The following TMOD1 variants were observed in gnomAD, a reference collection of about 807,000 sequenced individuals.
TMOD1 encodes tropomodulin-1.
Under a neutral mutation model 40.6 loss-of-function variants are expected in TMOD1, and 17 were observed. The observed-to-expected ratio is 0.42, with a 90% CI of 0.29 to 0.63. TMOD1 has a LOEUF of 0.63. Among genes scored for constraint, TMOD1 ranks in the 20% least tolerant of loss-of-function variants. The pLI is 0.22. For synonymous variants in TMOD1, 181 were observed against 175.0 expected (o/e 1.03, Z -0.27); for missense variants, 391 against 447.6 (o/e 0.87, Z 1.14).
intron 5 of TMOD1, 52 bp from the exon 6 acceptor site, chr9:97,563,986 A>G: frequency 6.3e-7 from 1 of 1,587,436 alleles, no homozygotes; most frequent in Non-Finnish European, 8.6e-7. Flanking sequence ...GTGTTGGCAG[A>G]AAGTGAGCCC....
rs76783993 is a variant in TMOD1 at position 97,513,603 on chromosome 9, G to A, written c.-48-10538G>A. The A allele has an allele frequency of 0.033, 5,053 of 152,202 alleles. 285 individuals carry two copies. The highest frequency in any genetic ancestry group is 0.12 in the African/African-American group (4,801 of 41,496). 9.4% of individuals were successfully genotyped at this position (152,202 alleles called of 1,614,324 possible). A position where few individuals can be genotyped will look rare whatever the true frequency, so the allele number is the denominator to read the frequency against. On this transcript the variant is annotated intron_variant, in intron 1 of 9. Coordinates refer to ENST00000259365, the MANE Select transcript of TMOD1 (RefSeq NM_003275.4). The surrounding 1 kb of genome is among the most constrained non-coding windows in gnomAD (Gnocchi z 4.1). ...TTATCTCCCCATGTTAATTATAAGC[G>A]CCTGAGAGCTAGGACTTCTTATTAA...
At chr9:97,551,715 C>G (rs1830457348) in intron 3 of TMOD1, among the ~76,000 whole-genome samples, 1 of 152,160 alleles carries the variant, frequency 6.6e-6, no homozygotes, top group African/African-American at 2.4e-5. Context: ...TTTTCTGTTT[C>G]TGGGAAAAGG....
intron 7 of TMOD1, among the ~76,000 whole-genome samples, chr9:97,567,438 G>A (rs1355446540): frequency 2.0e-5 from 3 of 152,154 alleles, no homozygotes; most frequent in Admixed American, 1.3e-4. Flanking sequence ...GGCCCCCACC[G>A]CCTGCCCTAG....
chr9:97,569,207 T>G (rs1830780645), intron 8 of TMOD1, among the ~76,000 whole-genome samples, 170 bp downstream of exon 8: 1 of 152,174 alleles, frequency 6.6e-6, no homozygotes, highest in Non-Finnish European at 1.5e-5. Context: ...ACGCTCACCT[T>G]CCTTCTTCAT....
rs570398655 is a variant in TMOD1, at chr9:97,549,924, A to G, written c.278-3357A>G. 7.2e-5 allele frequency among the ~76,000 whole-genome samples: 11 copies of G among 152,296 alleles called. No homozygotes were observed. The East Asian group carries it at 2.1e-3, about 29-fold the overall frequency. On this transcript the variant is annotated intron_variant, in intron 3 of 9. Coordinates refer to ENST00000259365, the MANE Select transcript of TMOD1 (RefSeq NM_003275.4). Reference sequence around the variant, plus strand: ...TGTAAATTGAGGTAAAACTTATATAACATAAAATTAACCATTTAAAAATGA... The same window carrying G: ...TGTAAATTGAGGTAAAACTTATATAGCATAAAATTAACCATTTAAAAATGA...
At chr9:97,525,996 C>T (rs1830009357) in intron 2 of TMOD1, among the ~76,000 whole-genome samples, 1 of 152,178 alleles carries the variant, frequency 6.6e-6, no homozygotes, top group Admixed American at 6.5e-5. Flanking sequence ...ATCTTGATTC[C>T]CTGACCCATG....
Position 97,601,024 on chromosome 9 carries a change from G to A in TMOD1, c.*1326G>A, listed in dbSNP as rs1826245458. 7.7e-7 allele frequency: 1 copy of A among 1,297,412 alleles called. No homozygotes were observed. Among genetic ancestry groups the A allele is most frequent in the African/African-American group, 1.5e-5 (1 of 65,794 alleles). The allele number at this position is 1,297,412 out of a possible 1,614,324, so 80.4% of individuals were successfully genotyped here. ...GAGCAGAGAGGCTGGTGATGAAAAGGTGAAGGCCTGCGCACTGAACTGTAA... is the reference window on the plus strand; with the variant it reads ...GAGCAGAGAGGCTGGTGATGAAAAGATGAAGGCCTGCGCACTGAACTGTAA... On this transcript the variant is annotated 3_prime_UTR_variant, in exon 10 of 10. Coordinates refer to ENST00000259365, the MANE Select transcript of TMOD1 (RefSeq NM_003275.4).
intron 2 of TMOD1, 116 bp downstream of exon 2, chr9:97,524,424 ATAACTT>A: frequency 7.5e-7 from 1 of 1,334,346 alleles, no homozygotes; most frequent in Non-Finnish European, 1.0e-6. Flanking sequence ...TGACATTGGT[ATAACTT>A]TGCCTTTGCA....
At chr9:97,598,327 C>CAA (rs71369518) in intron 9 of TMOD1, among the ~76,000 whole-genome samples, 1,971 of 71,082 alleles carry the variant, frequency 0.028, 89 homozygotes, top group African/African-American at 0.096. Context: ...AACTCCATCT[C>CAA]AAAAAAAAAA....
At position 97,600,137 on chromosome 9, in the gene TMOD1, A is replaced by G; in HGVS notation, c.*439A>G. On this transcript the variant is annotated 3_prime_UTR_variant, in exon 10 of 10. Transcript: ENST00000259365. ...AAATTTGTCTTAGCTATTAGCAAATAAAACTGATTATCATTCTTTATTAAC... is the reference window on the plus strand; with the variant it reads ...AAATTTGTCTTAGCTATTAGCAAATGAAACTGATTATCATTCTTTATTAAC... The G allele has an allele frequency of 3.0e-6, 3 of 1,003,438 alleles. No individual in the cohort carries two copies. Among genetic ancestry groups the G allele is most frequent in the Non-Finnish European group, 3.6e-6 (3 of 838,862 alleles). 62.2% of individuals were successfully genotyped at this position (1,003,438 alleles called of 1,614,324 possible). A position where few individuals can be genotyped will look rare whatever the true frequency, so the allele number is the denominator to read the frequency against.
rs185875891 is a variant in TMOD1 at position 97,525,967 on chromosome 9, G to A, written c.120+1659G>A. The stretch of plus-strand genomic sequence containing the variant: ...TGCATCACTAGGAGAAATGGTGAGT[G>A]GTGCCACTCCTATTTCCAATCTTGA... On this transcript the variant is annotated intron_variant, in intron 2 of 9. Transcript: ENST00000259365. 4.6e-5 allele frequency among the ~76,000 whole-genome samples: 7 copies of A among 152,286 alleles called. No individual in the cohort carries two copies. The East Asian group carries it at 1.4e-3, about 29-fold the overall frequency.
At chr9:97,531,558 C>A (rs1403796742) in intron 2 of TMOD1, among the ~76,000 whole-genome samples, 1 of 152,052 alleles carries the variant, frequency 6.6e-6, no homozygotes, top group Admixed American at 6.6e-5. Context: ...TTGCAGTGAG[C>A]CAAGATCATG....
chr9:97,553,022 T>A (rs1830476770), intron 3 of TMOD1, among the ~76,000 whole-genome samples: 1 of 152,214 alleles, frequency 6.6e-6, no homozygotes, highest in Non-Finnish European at 1.5e-5. Flanking sequence ...GATTGTTTGG[T>A]CATGACCAAT....
chr9:97,550,399 T>C (rs575187119), intron 3 of TMOD1, among the ~76,000 whole-genome samples: 1 of 152,372 alleles, frequency 6.6e-6, no homozygotes, highest in East Asian at 1.9e-4. Context: ...ATGGGTGGAA[T>C]TGATGAATGA....
chr9:97,555,791 A>G lies in TMOD1; in HGVS notation c.397+2391A>G. 5 of 1,146,296 alleles carry G rather than the reference A, an allele frequency of 4.4e-6. No homozygotes were observed. The South Asian group carries it at 5.3e-5, about 12-fold the overall frequency. The allele number at this position is 1,146,296 out of a possible 1,614,324, so 71.0% of individuals were successfully genotyped here. ...GAAATTTTATTACTGTCCCCATTTT[A>G]TGGATGGAGAAAGTAGGCAAGGTGT... On this transcript the variant is annotated intron_variant, in intron 4 of 9. Coordinates refer to ENST00000259365, the MANE Select transcript of TMOD1 (RefSeq NM_003275.4).
At position 97,568,885 on chromosome 9, in the gene TMOD1, T is replaced by C; in HGVS notation, c.727-9T>C. 1 of 1,613,332 alleles carries C rather than the reference T, an allele frequency of 6.2e-7. No individual in the cohort carries two copies. The highest frequency in any genetic ancestry group is 1.3e-5 in the African/African-American group (1 of 75,050). ...TCATGGGTATCCTTGCTTTCTCTTG[T>C]GCTTCAAGGCCCTTGCTGAGATGCT... On this transcript the variant is annotated splice_polypyrimidine_tract_variant and intron_variant, in intron 7 of 9. Coordinates refer to ENST00000259365, the MANE Select transcript of TMOD1 (RefSeq NM_003275.4).
intron 2 of TMOD1, among the ~76,000 whole-genome samples, chr9:97,541,795 T>C (rs1211778820): frequency 6.6e-6 from 1 of 152,144 alleles, no homozygotes; most frequent in Non-Finnish European, 1.5e-5. Flanking sequence ...GGATTACAGG[T>C]GTGAGTCACC....
Position 97,575,055 on chromosome 9 carries a change from T to C in TMOD1, c.870+6018T>C, listed in dbSNP as rs150163723. On this transcript the variant is annotated intron_variant, in intron 8 of 9. Transcript: ENST00000259365. ...ATAACGCAGTGGCAACCCGCTCGGG[T>C]CCACTTCCGCACTGTGGAAACTTTG... Among the ~76,000 whole-genome samples the C allele has an allele frequency of 5.4e-4, 82 of 152,202 alleles. 1 individual carries two copies. The highest frequency in any genetic ancestry group is 4.1e-3 in the East Asian group (21 of 5,170).
intron 8 of TMOD1, among the ~76,000 whole-genome samples, chr9:97,570,527 T>G (rs138439344): frequency 6.6e-6 from 1 of 152,158 alleles, no homozygotes; most frequent in Non-Finnish European, 1.5e-5. Flanking sequence ...TCAGGGCTTT[T>G]TTTTTTTCTT....
Sources: allele counts gnomAD v4.1 joint callset (sites outside exome capture counted in the v4.1 genomes callset), GRCh38; gene constraint gnomAD v4.1.1; non-coding constraint Gnocchi (gnomAD v3.1); transcripts MANE v1.5; gene names NCBI Gene and HGNC (gene_info 2026-07-23, HGNC 2026-07-21).